Variants in ARB2A observed in about 807,000 individuals in gnomAD.
The protein encoded by ARB2A is cotranscriptional regulator ARB2A.
At chr5:93,989,181 T>C in the ARB2A span, among the ~76,000 whole-genome samples, 1 of 152,150 alleles carries the variant, frequency 6.6e-6, no homozygotes, top group East Asian at 1.9e-4. Context: ...CTCAGAATAA[T>C]GTTTTTAAAA....
the ARB2A span, among the ~76,000 whole-genome samples, chr5:93,705,651 G>GTGTGTGTGTA: frequency 4.4e-4 from 59 of 132,936 alleles, no homozygotes; most frequent in African/African-American, 1.6e-3. Context: ...GTGTGTGTGT[G>GTGTGTGTGTA]TATATATATA....
chr5:94,004,498 C>T, the ARB2A span, among the ~76,000 whole-genome samples: 2 of 151,534 alleles, frequency 1.3e-5, no homozygotes, highest in African/African-American at 4.9e-5. Context: ...AGGAGAATAG[C>T]GTGAACCTGG....
At chr5:93,954,328 G>A in the ARB2A span, among the ~76,000 whole-genome samples, 1 of 151,868 alleles carries the variant, frequency 6.6e-6, no homozygotes, top group Non-Finnish European at 1.5e-5. Flanking sequence ...GGGCTCTTTA[G>A]TCAGGTGATG....
chr5:94,053,018 A>C, the ARB2A span: 1 of 488,218 alleles, frequency 2.0e-6, no homozygotes, highest in Non-Finnish European at 3.5e-6. Flanking sequence ...AAAAGTAGCA[A>C]ATAATATCTG....
chr5:94,038,887 T>C, the ARB2A span, among the ~76,000 whole-genome samples: 2 of 152,192 alleles, frequency 1.3e-5, no homozygotes, highest in South Asian at 4.2e-4. Flanking sequence ...GTCTTCAATC[T>C]TGAGCATATC....
At chr5:93,898,005 C>T in the ARB2A span, among the ~76,000 whole-genome samples, 1 of 151,866 alleles carries the variant, frequency 6.6e-6, no homozygotes, top group Non-Finnish European at 1.5e-5. Context: ...TAATTTGCAA[C>T]TCCCAGGTCA....
the ARB2A span, among the ~76,000 whole-genome samples, chr5:93,884,995 T>C: frequency 6.6e-6 from 1 of 151,530 alleles, no homozygotes; most frequent in East Asian, 1.9e-4. Context: ...ATTTTTGCCA[T>C]GTCAACATCA....
chr5:94,045,391 C>T, the ARB2A span, among the ~76,000 whole-genome samples: 3 of 152,052 alleles, frequency 2.0e-5, no homozygotes, highest in African/African-American at 4.8e-5. Flanking sequence ...CTTGGGGTCT[C>T]GATCAGGACC....
chr5:93,970,420 T>C, the ARB2A span, among the ~76,000 whole-genome samples: 1 of 152,120 alleles, frequency 6.6e-6, no homozygotes, highest in Non-Finnish European at 1.5e-5. Flanking sequence ...TAATAAAATA[T>C]GAACTAAAAC....
chr5:93,662,105 C>T, the ARB2A span, among the ~76,000 whole-genome samples: 4 of 152,158 alleles, frequency 2.6e-5, no homozygotes, highest in Non-Finnish European at 2.9e-5. Context: ...TCACAATACC[C>T]CATACCAGAT....
the ARB2A span, chr5:93,958,918 A>T: frequency 8.1e-6 from 13 of 1,607,218 alleles, no homozygotes; most frequent in East Asian, 2.9e-4. Flanking sequence ...TTGTCAAAGC[A>T]TCCTCACTCA....
chr5:94,020,629 T>C, the ARB2A span, among the ~76,000 whole-genome samples: 1 of 152,152 alleles, frequency 6.6e-6, no homozygotes, highest in East Asian at 1.9e-4. Flanking sequence ...GGTTGGATGG[T>C]TGTGATTAGA....
At chr5:93,948,611 T>C in the ARB2A span, among the ~76,000 whole-genome samples, 2 of 152,276 alleles carry the variant, frequency 1.3e-5, no homozygotes, top group Admixed American at 6.5e-5. Flanking sequence ...TGGTAATGCC[T>C]AGGTTTTCTT....
the ARB2A span, among the ~76,000 whole-genome samples, chr5:94,008,385 T>C: frequency 5.3e-5 from 8 of 152,220 alleles, no homozygotes; most frequent in Non-Finnish European, 2.9e-5. Flanking sequence ...CATCTGGAGA[T>C]AGTATTAAAT....
chr5:93,776,130 C>G, the ARB2A span: 18 of 1,535,524 alleles, frequency 1.2e-5, no homozygotes, highest in African/African-American at 1.8e-4. Context: ...AAAACAACAG[C>G]AATCATATAT....
At chr5:93,834,926 A>G in the ARB2A span, among the ~76,000 whole-genome samples, 2 of 152,210 alleles carry the variant, frequency 1.3e-5, no homozygotes, top group African/African-American at 4.8e-5. Context: ...TACTAAATCT[A>G]TTCCACAGGC....
At chr5:94,014,029 TC>T in the ARB2A span, among the ~76,000 whole-genome samples, 1 of 152,040 alleles carries the variant, frequency 6.6e-6, no homozygotes, top group Non-Finnish European at 1.5e-5. Context: ...CTGGCAAAAA[TC>T]CTGCCCCTGC....
At chr5:93,756,110 C>G in the ARB2A span, among the ~76,000 whole-genome samples, 1 of 152,146 alleles carries the variant, frequency 6.6e-6, no homozygotes, top group Non-Finnish European at 1.5e-5. Flanking sequence ...GGCTTTCCCC[C>G]ACTTCCCTGA....
chr5:94,000,062 G>A, the ARB2A span, among the ~76,000 whole-genome samples: 2 of 151,992 alleles, frequency 1.3e-5, no homozygotes, highest in East Asian at 1.9e-4. Flanking sequence ...TTATCCATTC[G>A]CCTATTGAAG....
Sources: allele counts gnomAD v4.1 joint callset (sites outside exome capture counted in the v4.1 genomes callset), GRCh38; gene constraint gnomAD v4.1.1; transcripts MANE v1.5; gene names NCBI Gene and HGNC (gene_info 2026-07-23, HGNC 2026-07-21).